Variants in QKI observed in about 807,000 individuals in gnomAD.
QKI encodes the protein QKI, KH domain containing RNA binding.
Under a neutral mutation model 39.0 loss-of-function variants are expected in QKI, and 10 were observed. That is an observed-to-expected ratio of 0.26 (90% CI 0.16 to 0.43). The LOEUF is 0.43. Ranked by LOEUF, QKI falls within the 20% of genes least tolerant of loss-of-function variation. QKI has a pLI of 1.00. For missense variants in QKI, 218 were observed against 428.0 expected, an observed-to-expected ratio of 0.51 and a Z score of 4.33; for synonymous variants, 204 against 155.4, an observed-to-expected ratio of 1.31 and a Z score of -2.33.
At chr6:163,443,308 C>T (rs766084590) in intron 1 of QKI, among the ~76,000 whole-genome samples, 3 of 152,236 alleles carry the variant, frequency 2.0e-5, no homozygotes, top group South Asian at 4.1e-4. Flanking sequence ...CAGTGGCTCA[C>T]GCCTGTAATC....
intron 3 of QKI, among the ~76,000 whole-genome samples, chr6:163,501,610 T>A (rs1462132838): frequency 6.6e-6 from 1 of 152,198 alleles, no homozygotes; most frequent in Non-Finnish European, 1.5e-5. Flanking sequence ...AGCAGTAAAT[T>A]TATGCTTGTG....
chr6:163,479,928 C>T (rs1792944372), intron 3 of QKI, among the ~76,000 whole-genome samples: 1 of 152,168 alleles, frequency 6.6e-6, no homozygotes, highest in African/African-American at 2.4e-5. Context: ...AGAAGGAAGG[C>T]TATCACTAGC....
intron 1 of QKI, among the ~76,000 whole-genome samples, chr6:163,417,498 A>G (rs1787615847): frequency 6.6e-6 from 1 of 152,160 alleles, no homozygotes; most frequent in South Asian, 2.1e-4. Flanking sequence ...TGTTGATCTA[A>G]AATCTCTAAA....
intron 1 of QKI, among the ~76,000 whole-genome samples, chr6:163,425,943 C>A (rs887735066): frequency 4.6e-5 from 7 of 152,244 alleles, no homozygotes; most frequent in African/African-American, 1.7e-4. Context: ...TTGATGCGGG[C>A]TTTTAAAATT....
intron 4 of QKI, among the ~76,000 whole-genome samples, chr6:163,559,850 G>C (rs7769145): frequency 0.8 from 121,690 of 152,122 alleles, 48,848 homozygotes; most frequent in East Asian, 1. Context: ...CGTCCTTCCC[G>C]TTTTATGAAT....
At chr6:163,417,151 A>T (rs1315127472) in intron 1 of QKI, among the ~76,000 whole-genome samples, 1 of 152,152 alleles carries the variant, frequency 6.6e-6, no homozygotes, top group African/African-American at 2.4e-5. Flanking sequence ...AATTATTGGC[A>T]CAACTTTATG....
chr6:163,514,513 C>G (rs897722043), intron 3 of QKI, among the ~76,000 whole-genome samples: 1 of 152,002 alleles, frequency 6.6e-6, no homozygotes, highest in African/African-American at 2.4e-5. Context: ...TGGGACAGTT[C>G]TAAAAGAAAA....
intron 3 of QKI, among the ~76,000 whole-genome samples, chr6:163,488,372 A>T (rs1272126127): frequency 6.6e-6 from 1 of 152,216 alleles, no homozygotes; most frequent in Non-Finnish European, 1.5e-5. Context: ...TGCAGAGATT[A>T]TAGTCTGGGC....
At chr6:163,424,641 A>ATTT (rs113916256) in intron 1 of QKI, among the ~76,000 whole-genome samples, 2 of 144,814 alleles carry the variant, frequency 1.4e-5, no homozygotes, top group South Asian at 2.2e-4. Flanking sequence ...TTGGTTTTTA[A>ATTT]TTTTTTTTTT....
At chr6:163,439,354 T>TTTTTTTTTTTG (rs201292493) in intron 1 of QKI, among the ~76,000 whole-genome samples, 1 of 133,362 alleles carries the variant, frequency 7.5e-6, no homozygotes, top group Non-Finnish European at 1.6e-5. Context: ...TTTTTTTTTT[T>TTTTTTTTTTTG]CGGGGGGGTG....
rs536236721 is a variant in QKI at position 163,575,936 on chromosome 6, G to A, written c.*5226G>A. ...GATGCCTGTCTTTATTCCTTGATAAGAAGTAGCTGTTACAGCATTTCAAGC... is the reference window on the plus strand; with the variant it reads ...GATGCCTGTCTTTATTCCTTGATAAAAAGTAGCTGTTACAGCATTTCAAGC... On this transcript the variant is annotated 3_prime_UTR_variant, in exon 8 of 8. Transcript: ENST00000361752. 10 of 152,228 alleles carry A rather than the reference G, an allele frequency of 6.6e-5. No homozygotes were observed. In the East Asian group the frequency reaches 1.9e-3, roughly 29 times the overall value. 9.4% of individuals were successfully genotyped at this position (152,228 alleles called of 1,614,324 possible).
intron 1 of QKI, among the ~76,000 whole-genome samples, chr6:163,430,602 G>A (rs769706732): frequency 2.6e-5 from 4 of 152,132 alleles, no homozygotes; most frequent in Non-Finnish European, 5.9e-5. Context: ...GAATTCTTGA[G>A]CTGATGGGCC....
At chr6:163,419,046 A>G (rs1473803442) in intron 1 of QKI, among the ~76,000 whole-genome samples, 1 of 152,132 alleles carries the variant, frequency 6.6e-6, no homozygotes, top group African/African-American at 2.4e-5. Context: ...GCTCAGAAAA[A>G]GAGAGCAGAT....
intron 1 of QKI, among the ~76,000 whole-genome samples, chr6:163,436,687 G>A (rs948979708): frequency 6.7e-6 from 1 of 149,494 alleles, no homozygotes; most frequent in Non-Finnish European, 1.5e-5. Context: ...GGTGGTGTGT[G>A]CCTGTAGCAG....
In QKI at chr6:163,414,946, C is replaced by G. The variant is rs1306675309; in HGVS notation, c.-248C>G. Reference sequence around the variant, plus strand: ...CCCGCCGGCCTCGTGAGGGACGCGCCGAGCCGGGCGGCCGAGAGCGGCGGC... The same window carrying G: ...CCCGCCGGCCTCGTGAGGGACGCGCGGAGCCGGGCGGCCGAGAGCGGCGGC... On this transcript the variant is annotated 5_prime_UTR_variant, in exon 1 of 8. Coordinates refer to ENST00000361752, the MANE Select transcript of QKI (RefSeq NM_006775.3). The G allele has an allele frequency of 1.2e-5, 2 of 166,656 alleles. No homozygotes were observed. The highest frequency in any genetic ancestry group is 3.9e-4 in the East Asian group (2 of 5,098). The allele number at this position is 166,656 out of a possible 1,614,324, so 10.3% of individuals were successfully genotyped here.
chr6:163,448,669 G>A (rs964203383), intron 1 of QKI, among the ~76,000 whole-genome samples: 1 of 152,100 alleles, frequency 6.6e-6, no homozygotes, highest in Non-Finnish European at 1.5e-5. Context: ...CCCAGGAGGC[G>A]GAGGTTGCAG....
chr6:163,559,032 C>T (rs1026437291), intron 4 of QKI, among the ~76,000 whole-genome samples: 25 of 152,336 alleles, frequency 1.6e-4, no homozygotes, highest in Admixed American at 1.4e-3. Flanking sequence ...CACAAGTGTG[C>T]ACACACAGTG....
At chr6:163,503,708 A>G (rs1326827607) in intron 3 of QKI, among the ~76,000 whole-genome samples, 3 of 151,900 alleles carry the variant, frequency 2.0e-5, no homozygotes, top group African/African-American at 7.3e-5. Flanking sequence ...GAGGTCTTAC[A>G]TTTTAATCTT....
Position 163,483,346 on chromosome 6 carries a change from TG to T in QKI, c.402+4451del, listed in dbSNP as rs140778896. ...CAATGGTTGGGGTGACTGTGACGAT[TG>T]CTTAAAATAAGAACAACGAAGTTTG... On this transcript the variant is annotated intron_variant, in intron 3 of 7. Transcript: ENST00000361752. Among the ~76,000 whole-genome samples, 435 of 152,310 alleles carry T rather than the reference TG, an allele frequency of 2.9e-3. 1 individual carries two copies. Among genetic ancestry groups the T allele is most frequent in the African/African-American group, 9.7e-3 (403 of 41,572 alleles).
Sources: allele counts gnomAD v4.1 joint callset (sites outside exome capture counted in the v4.1 genomes callset), GRCh38; gene constraint gnomAD v4.1.1; transcripts MANE v1.5; gene names NCBI Gene and HGNC (gene_info 2026-07-23, HGNC 2026-07-21).